PHF8: variants seen among roughly 807,000 people sequenced by gnomAD.
PHF8 encodes the protein histone lysine demethylase PHF8.
PHF8 carries 9 observed loss-of-function variants against 74.4 expected under a neutral mutation model. The ratio of observed to expected loss-of-function variants is 0.12; its 90% CI spans 0.07 to 0.21. The LOEUF is 0.21. Among genes scored for constraint, PHF8 ranks in the 10% least tolerant of loss-of-function variants. The pLI is 1.00. For synonymous variants in PHF8, 311 were observed against 316.6 expected, an observed-to-expected ratio of 0.98 and a Z score of 0.19; for missense variants, 478 against 816.6, an observed-to-expected ratio of 0.59 and a Z score of 5.05.
At chrX:54,027,332 C>A (rs146948401) in intron 2 of PHF8, among the ~76,000 whole-genome samples, 1 of 110,163 alleles carries the variant, frequency 9.1e-6, no homozygotes, top group African/African-American at 3.3e-5. Context: ...AATAAACCTA[C>A]GAAGCTTGAT....
intron 2 of PHF8, among the ~76,000 whole-genome samples, chrX:54,032,396 C>T (rs186713889): frequency 9.0e-6 from 1 of 110,986 alleles, no homozygotes; most frequent in East Asian, 2.9e-4. Context: ...TCCCCTCACT[C>T]ACTCTGTTCC....
At chrX:53,994,486 A>AC (rs2065717152) in intron 12 of PHF8, among the ~76,000 whole-genome samples, 1 of 112,619 alleles carries the variant, frequency 8.9e-6, no homozygotes, top group African/African-American at 3.2e-5. Flanking sequence ...CAAAGCAGTT[A>AC]TGCTTTGAAT....
At chrX:53,967,104 G>C (rs1259564377) in intron 18 of PHF8, among the ~76,000 whole-genome samples, 2 of 110,415 alleles carry the variant, frequency 1.8e-5, no homozygotes, top group South Asian at 7.7e-4. Flanking sequence ...AGTGAGGAGC[G>C]TCTCTGCCTG....
chrX:53,962,787 T>C (rs1031738364), intron 19 of PHF8, 57 bp downstream of exon 19: 1 of 646,552 alleles, frequency 1.5e-6, no homozygotes, highest in African/African-American at 2.2e-5. Context: ...CCCACCTACC[T>C]TGTCTATTTC....
intron 19 of PHF8, among the ~76,000 whole-genome samples, chrX:53,956,645 T>G (rs1419802884): frequency 1.8e-5 from 2 of 109,514 alleles, no homozygotes; most frequent in African/African-American, 6.7e-5. Context: ...GAGGAAGAAG[T>G]ACAAGCACAT....
chrX:54,044,918 T>C, upstream of PHF8: 2 of 1,134,811 alleles, frequency 1.8e-6, no homozygotes, highest in Non-Finnish European at 1.2e-6. Context: ...CTGGGCTCTT[T>C]CCCACGGTCT....
At chrX:53,986,831 C>T (rs1569526900) in intron 16 of PHF8, among the ~76,000 whole-genome samples, 1 of 111,287 alleles carries the variant, frequency 9.0e-6, no homozygotes, top group African/African-American at 3.3e-5. Flanking sequence ...GTCCCAGCTA[C>T]TAGAAGGCTG....
At chrX:54,035,115 T>C (rs2066429646) in intron 2 of PHF8, among the ~76,000 whole-genome samples, 1 of 111,121 alleles carries the variant, frequency 9.0e-6, no homozygotes. Flanking sequence ...TCCCAGCACT[T>C]TGGGAGGCTG....
At chrX:54,031,771 T>C (rs918677587) in intron 2 of PHF8, among the ~76,000 whole-genome samples, 1 of 111,235 alleles carries the variant, frequency 9.0e-6, no homozygotes, top group Non-Finnish European at 1.9e-5. Context: ...CCACTTCTCA[T>C]CATCACTGAC....
intron 19 of PHF8, among the ~76,000 whole-genome samples, chrX:53,961,452 C>T (rs782069749): frequency 9.1e-6 from 1 of 110,220 alleles, no homozygotes; most frequent in South Asian, 4.0e-4. Context: ...CTCAGCCTCC[C>T]AACTAGCTGG....
chrX:54,035,305 C>T (rs1291588798), intron 2 of PHF8, among the ~76,000 whole-genome samples: 1 of 107,565 alleles, frequency 9.3e-6, no homozygotes, highest in Non-Finnish European at 1.9e-5. Context: ...TGCAGTGAGC[C>T]GAGACCACAT....
intron 2 of PHF8, among the ~76,000 whole-genome samples, chrX:54,033,211 G>A (rs956684440): frequency 9.9e-5 from 11 of 111,035 alleles, no homozygotes; most frequent in Middle Eastern, 4.6e-3. Flanking sequence ...CCAGGATCTC[G>A]TGACATAATG....
intron 19 of PHF8, among the ~76,000 whole-genome samples, chrX:53,958,957 TATAAAG>T (rs1390059294): frequency 9.1e-6 from 1 of 110,076 alleles, no homozygotes; most frequent in Non-Finnish European, 1.9e-5. Context: ...AACATTTACA[TATAAAG>T]ATATTGACTC....
rs893607213 is a variant in PHF8, at chrX:53,992,842, G to A, written c.1627-3C>T. 2.6e-5 allele frequency: 29 copies of A among 1,133,474 alleles called. No homozygotes were observed. The highest frequency in any genetic ancestry group is 8.9e-5 in the Admixed American group (4 of 45,146). The allele number at this position is 1,133,474 out of a possible 1,213,427, so 93.4% of individuals were successfully genotyped here. ...AAGCAGGCACCAGTGATGTTGAACT[G>A]TAGAAGTAGGAGACTCAGCCGTTAC... On this transcript the variant is annotated splice_polypyrimidine_tract_variant and splice_region_variant and intron_variant, in intron 13 of 21. Coordinates refer to ENST00000338154, the MANE Select transcript of PHF8 (RefSeq NM_015107.3).
At chrX:54,028,256 T>C (rs1441062425) in intron 2 of PHF8, among the ~76,000 whole-genome samples, 1 of 110,314 alleles carries the variant, frequency 9.1e-6, no homozygotes. Context: ...AGTAGAGAGG[T>C]AGGAGGACAG....
chrX:54,014,019 A>G (rs2149873491), intron 7 of PHF8, among the ~76,000 whole-genome samples: 1 of 109,985 alleles, frequency 9.1e-6, no homozygotes, highest in East Asian at 2.9e-4. Context: ...GCAGTGGCAC[A>G]ATCTCGGCTC....
At chrX:54,026,524 T>A in intron 2 of PHF8, among the ~76,000 whole-genome samples, 1 of 104,482 alleles carries the variant, frequency 9.6e-6, no homozygotes, top group Non-Finnish European at 1.9e-5. Context: ...GTTTTTGGTT[T>A]TGGCTTTTGT....
At chrX:54,010,040 G>A (rs180777994) in intron 8 of PHF8, among the ~76,000 whole-genome samples, 1,289 of 109,522 alleles carry the variant, frequency 0.012, 14 homozygotes, top group African/African-American at 0.041. Context: ...ATGGCTGGGT[G>A]CGGTGGCTCA....
chrX:53,947,172 C>A (rs1312987328), intron 19 of PHF8, among the ~76,000 whole-genome samples: 2 of 111,036 alleles, frequency 1.8e-5, no homozygotes, highest in Non-Finnish European at 1.9e-5. Context: ...ACACCATGCC[C>A]GGCTAATTTT....
Sources: allele counts gnomAD v4.1 joint callset (sites outside exome capture counted in the v4.1 genomes callset), GRCh38; gene constraint gnomAD v4.1.1; transcripts MANE v1.5; gene names NCBI Gene and HGNC (gene_info 2026-07-23, HGNC 2026-07-21).